The following ENG variants were observed in gnomAD, a reference collection of about 807,000 sequenced individuals.
ENG encodes endoglin.
A neutral mutation model predicts 71.0 loss-of-function variants in ENG; 17 were observed. That is an observed-to-expected ratio of 0.24 (90% CI 0.16 to 0.36). The LOEUF (loss-of-function observed/expected upper bound fraction) is 0.36, where lower values mean the gene tolerates loss of function less well. Ranked by LOEUF, ENG falls within the 10% of genes least tolerant of loss-of-function variation. ENG has a pLI of 1.00. For synonymous variants in ENG, 360 were observed against 366.9 expected (o/e 0.98, Z 0.21); for missense variants, 749 against 868.3 (o/e 0.86, Z 1.73).
chr9:127,839,145 C>T (rs1830970778), intron 2 of ENG, among the ~76,000 whole-genome samples: 1 of 152,194 alleles, frequency 6.6e-6, no homozygotes, highest in East Asian at 1.9e-4. Flanking sequence ...CCCCTCCCTC[C>T]TCTACCTTCA....
chr9:127,828,370 T>C (rs1212027430), intron 3 of ENG, among the ~76,000 whole-genome samples: 1 of 152,226 alleles, frequency 6.6e-6, no homozygotes, highest in Non-Finnish European at 1.5e-5. Context: ...GTTGGTCGCC[T>C]GGCACTGGGT....
chr9:127,819,805 C>T, intron 9 of ENG, 95 bp downstream of exon 9: 1 of 1,611,704 alleles, frequency 6.2e-7, no homozygotes, highest in East Asian at 2.2e-5. Flanking sequence ...GCAGCCTGCT[C>T]TCCCAAACAC....
intron 14 of ENG, 57 bp from the exon 15 acceptor site, chr9:127,815,863 A>G (rs1268571178): frequency 4.5e-6 from 7 of 1,554,466 alleles, no homozygotes; most frequent in Non-Finnish European, 8.7e-7. Context: ...GGGCCCCTCA[A>G]TCCCTCAGAG....
chr9:127,827,401 T>G (rs974526407), intron 3 of ENG, among the ~76,000 whole-genome samples: 1 of 151,626 alleles, frequency 6.6e-6, no homozygotes, highest in Non-Finnish European at 1.5e-5. Context: ...GGATGGGGAG[T>G]CTGGGTGGCT....
chr9:127,833,687 G>A (rs1830824946), intron 2 of ENG, among the ~76,000 whole-genome samples: 2 of 152,142 alleles, frequency 1.3e-5, no homozygotes, highest in African/African-American at 4.8e-5. Context: ...TCAAAGTTAT[G>A]AAAAAGGGGA....
At position 127,824,929 on chromosome 9, in the gene ENG, G is replaced by A. The variant is rs775959910; in HGVS notation, c.862C>T (p.Arg288Cys). 8.1e-6 allele frequency: 13 copies of A among 1,613,998 alleles called. No individual in the cohort carries two copies. Among genetic ancestry groups the A allele is most frequent in the East Asian group, 2.2e-5 (1 of 44,856 alleles). Reference sequence around the variant, plus strand: ...GGTGTGTCTGGGAGCTTGAAGCCACGAATGTTTTTCTCTGGAAAGATCTTG... The same window carrying A: ...GGTGTGTCTGGGAGCTTGAAGCCACAAATGTTTTTCTCTGGAAAGATCTTG... Reference protein sequence around the residue: ...SFKIFPEKNIRGFKLPDTPQG... With the variant: ...SFKIFPEKNICGFKLPDTPQG... The change falls in exon 7 of 15, where the codon CGT (arginine) becomes TGT (cysteine). Residue 288 changes from arginine (R) to cysteine (C), a missense_variant. By Grantham distance (180) the Arg-to-Cys change is radical. Coordinates refer to ENST00000373203, the MANE Select transcript of ENG (RefSeq NM_001114753.3).
intron 2 of ENG, among the ~76,000 whole-genome samples, chr9:127,839,723 T>C (rs1351435410): frequency 1.3e-5 from 2 of 152,090 alleles, no homozygotes; most frequent in Admixed American, 1.3e-4. Flanking sequence ...GCCTGGCTAA[T>C]TTTTGTATTT....
chr9:127,819,227 G>T, intron 10 of ENG: 1 of 324,488 alleles, frequency 3.1e-6, no homozygotes, highest in Non-Finnish European at 5.9e-6. Context: ...GTGAGCCACT[G>T]CGCCCGGCCC....
At position 127,815,462 on chromosome 9, in the gene ENG, A is replaced by G. The variant is rs1017341573; in HGVS notation, c.*220T>C. ...TCCTGGGCAGCCATATCCCAGACCC[A>G]CTGGGTTGAAGGTTCTGTGGGGTGG... On this transcript the variant is annotated 3_prime_UTR_variant, in exon 15 of 15. Coordinates refer to ENST00000373203, the MANE Select transcript of ENG (RefSeq NM_001114753.3). 45 of 875,210 alleles carry G rather than the reference A, an allele frequency of 5.1e-5. 1 individual carries two copies. Among genetic ancestry groups the G allele is most frequent in the South Asian group, 2.1e-4 (11 of 51,488 alleles). The allele number at this position is 875,210 out of a possible 1,614,324, so 54.2% of individuals were successfully genotyped here.
intron 1 of ENG, among the ~76,000 whole-genome samples, chr9:127,853,110 T>A (rs908146330): frequency 2.0e-5 from 3 of 152,158 alleles, no homozygotes; most frequent in Admixed American, 2.0e-4. Context: ...TATCACACCT[T>A]ACTAGGAGCA....
At chr9:127,833,243 C>G (rs1416180269) in intron 2 of ENG, among the ~76,000 whole-genome samples, 1 of 152,116 alleles carries the variant, frequency 6.6e-6, no homozygotes, top group East Asian at 1.9e-4. Context: ...ACAGGTAGAC[C>G]AGGCGTGGTG....
chr9:127,817,383 T>C lies in ENG; in HGVS notation c.1687-180A>G, dbSNP rs5031025. 340 of 686,052 alleles carry C rather than the reference T, an allele frequency of 5.0e-4. No homozygotes were observed. The African/African-American group carries it at 5.7e-3, about 11-fold the overall frequency. 42.5% of individuals were successfully genotyped at this position (686,052 alleles called of 1,614,324 possible). On this transcript the variant is annotated intron_variant, in intron 12 of 14. Transcript: ENST00000373203. The stretch of plus-strand genomic sequence containing the variant: ...ATCTGTGCTGTGGGAGGGTGCCTAG[T>C]GGACGATCCCTGGCTGCTGCTGAAA...
At position 127,854,653 on chromosome 9, in the gene ENG, T is replaced by G; in HGVS notation, c.-298A>C. The G allele has an allele frequency of 2.1e-6, 1 of 472,688 alleles. No homozygotes were observed. 29.3% of individuals were successfully genotyped at this position (472,688 alleles called of 1,614,324 possible). On this transcript the variant is annotated 5_prime_UTR_variant, in exon 1 of 15. Coordinates refer to ENST00000373203, the MANE Select transcript of ENG (RefSeq NM_001114753.3). The stretch of plus-strand genomic sequence containing the variant: ...GGCCCCAGGGCGCAGATGAAGGCTG[T>G]GGTATGACCGGCAGCAGGGAGCTCC...
At chr9:127,821,426 G>C (rs999323871) in intron 8 of ENG, 1 of 151,390 alleles carries the variant, frequency 6.6e-6, no homozygotes, top group African/African-American at 2.4e-5. Context: ...GCGAGACCTC[G>C]TCTCTAAAAC....
rs1423902566 is a variant in ENG, at chr9:127,825,274, T to C, written c.773A>G (p.Tyr258Cys). The change falls in exon 6 of 15, where the codon TAC becomes TGC. Residue 258 changes from tyrosine to cysteine, a missense_variant. Physicochemically the swap from Tyr to Cys is radical, Grantham distance 194. Coordinates refer to ENST00000373203, the MANE Select transcript of ENG (RefSeq NM_001114753.3). ...GTTGGCGTCGATGAGCCAGGACACG[T>C]AGGGGGGACCCTGCAGGATGAGGAC... Reference protein sequence around the residue: ...DAVLILQGPPYVSWLIDANHN... With the variant: ...DAVLILQGPPCVSWLIDANHN... 6.2e-7 allele frequency: 1 copy of C among 1,612,414 alleles called. No individual in the cohort carries two copies. The highest frequency in any genetic ancestry group is 1.1e-5 in the South Asian group (1 of 90,984).
rs766201542 is a variant in ENG at position 127,826,677 on chromosome 9, G to A, written c.361-5C>T. The A allele has an allele frequency of 1.2e-6, 2 of 1,613,174 alleles. No individual in the cohort carries two copies. Among genetic ancestry groups the A allele is most frequent in the Non-Finnish European group, 1.7e-6 (2 of 1,179,976 alleles). On this transcript the variant is annotated splice_polypyrimidine_tract_variant and splice_region_variant and intron_variant, in intron 3 of 14. Coordinates refer to ENST00000373203, the MANE Select transcript of ENG (RefSeq NM_001114753.3). ...GAAGGTGACCAGGCTGGAATTCTGG[G>A]GAGACATGTGGAGGCTCAGCACGCT...
chr9:127,843,026 C>T, intron 2 of ENG, 68 bp downstream of exon 2: 2 of 1,610,208 alleles, frequency 1.2e-6, no homozygotes, highest in South Asian at 2.2e-5. Context: ...ACAAGGAAGG[C>T]ACCCCTCACC....
intron 2 of ENG, among the ~76,000 whole-genome samples, chr9:127,831,607 C>T (rs1319393137): frequency 2.0e-5 from 3 of 151,300 alleles, no homozygotes; most frequent in South Asian, 2.1e-4. Flanking sequence ...AGGCTGGTCT[C>T]GAACTCTGAC....
Position 127,815,604 on chromosome 9 carries a change from C to T in ENG, c.*78G>A. On this transcript the variant is annotated 3_prime_UTR_variant, in exon 15 of 15. Transcript: ENST00000373203. The stretch of plus-strand genomic sequence containing the variant: ...TTCTGGGTCGAGTGGAGGACTGGCT[C>T]CCAGGGTGAGTTCACACCAGTGCTC... 2 of 1,516,114 alleles carry T rather than the reference C, an allele frequency of 1.3e-6. No homozygotes were observed. The highest frequency in any genetic ancestry group is 1.8e-6 in the Non-Finnish European group (2 of 1,135,800). 93.9% of individuals were successfully genotyped at this position (1,516,114 alleles called of 1,614,324 possible).
Sources: gnomAD v4.1 joint callset for allele counts (sites outside exome capture counted in the v4.1 genomes callset) on GRCh38, gnomAD v4.1.1 for gene constraint, MANE v1.5 for transcripts, NCBI Gene and HGNC (gene_info 2026-07-23, HGNC 2026-07-21) for gene names.